The following HYOU1 variants were observed in gnomAD, a reference collection of about 807,000 sequenced individuals.
The protein encoded by HYOU1 is hypoxia up-regulated 1, also known as hypoxia up-regulated protein 1.
In HYOU1, 40 loss-of-function variants were observed where a neutral mutation model predicts 120.5. The ratio of observed to expected loss-of-function variants is 0.33; its 90% CI spans 0.26 to 0.43. The LOEUF is 0.43. Among genes scored for constraint, HYOU1 ranks in the 20% least tolerant of loss-of-function variants. The probability of loss-of-function intolerance (pLI) is 1.00; values close to 1 mark genes in which losing one functional copy is unlikely to be tolerated. For missense variants in HYOU1, 1,085 were observed against 1,278.3 expected, an observed-to-expected ratio of 0.85 and a Z score of 2.31; for synonymous variants, 501 against 479.4, an observed-to-expected ratio of 1.05 and a Z score of -0.59.
chr11:119,048,921 C>T lies in HYOU1; in HGVS notation c.1993-35G>A. On this transcript the variant is annotated intron_variant, in intron 17 of 25. Coordinates refer to ENST00000617285, the MANE Select transcript of HYOU1 (RefSeq NM_006389.5). This position sits in a 1 kb window ranked among gnomAD's most constrained non-coding sequence, Gnocchi z 4.7. ...AAGAGTCAGGGGTGTCAGGAAAAGC[C>T]TCTGCCCTCCTACATTCTCCACAAG... is the stretch of plus-strand genomic sequence containing the variant. 1 of 1,605,422 alleles carries T rather than the reference C, an allele frequency of 6.2e-7. No homozygotes were observed. The highest frequency in any genetic ancestry group is 8.5e-7 in the Non-Finnish European group (1 of 1,176,164).
At chr11:119,054,832 T>A in intron 6 of HYOU1, 152 bp downstream of exon 6, 1 of 1,016,662 alleles carries the variant, frequency 9.8e-7, no homozygotes, top group Non-Finnish European at 1.4e-6. Flanking sequence ...CTCTACCCAC[T>A]AGATAGCAGG....
intron 14 of HYOU1, 152 bp from the exon 15 acceptor site, chr11:119,049,989 C>G: frequency 1.4e-6 from 1 of 722,318 alleles, no homozygotes; most frequent in South Asian, 1.6e-5. Context: ...GGTGGCTGCC[C>G]ATCTCCTTTG....
Position 119,048,452 on chromosome 11 carries a change from G to C in HYOU1, c.2253+24C>G, listed in dbSNP as rs2133564423. 4 of 1,613,434 alleles carry C rather than the reference G, an allele frequency of 2.5e-6. No homozygotes were observed. The highest frequency in any genetic ancestry group is 2.2e-5 in the South Asian group (2 of 91,068). ...GAGCCAGGTGTAAGCCCAGTGGGGG[G>C]GCTGCTGCCTCCTGCCCACTGACCT... On this transcript the variant is annotated intron_variant, in intron 19 of 25. Coordinates refer to ENST00000617285, the MANE Select transcript of HYOU1 (RefSeq NM_006389.5). This position sits in a 1 kb window ranked among gnomAD's most constrained non-coding sequence, Gnocchi z 4.7.
intron 22 of HYOU1, chr11:119,047,527 C>CT: frequency 1.8e-6 from 1 of 547,288 alleles, no homozygotes; most frequent in Non-Finnish European, 3.3e-6. Flanking sequence ...ATGGGATGGG[C>CT]TTTTTTGCTC....
At position 119,051,905 on chromosome 11, in the gene HYOU1, C is replaced by T; in HGVS notation, c.1252G>A (p.Gly418Arg). The T allele has an allele frequency of 1.2e-6, 2 of 1,614,190 alleles. No individual in the cohort carries two copies. Among genetic ancestry groups the T allele is most frequent in the Non-Finnish European group, 1.7e-6 (2 of 1,180,030 alleles). Residue 418 changes from glycine (G) to arginine (R), a missense_variant, in exon 12 of 26, where the codon GGG (glycine) becomes AGG (arginine). Gly to Arg is a moderately radical substitution (Grantham distance 125, BLOSUM62 -2). Around this residue, in one of 4 missense-constraint regions of HYOU1, gnomAD observed 515 missense variants for 677.8 expected, o/e 0.76. Coordinates refer to ENST00000617285, the MANE Select transcript of HYOU1 (RefSeq NM_006389.5). The surrounding 1 kb of genome is among the most constrained non-coding windows in gnomAD (Gnocchi z 4.2). ...NINADEAAAM[G>R]AVYQAAALSK... is the part of the protein sequence containing the mutation. ...AGCGCAGCTGCCTGGTACACTGCCC[C>T]CATGGCGGCTGCTTCATCTGCATTG... is the stretch of plus-strand genomic sequence containing the variant.
Position 119,055,108 on chromosome 11 carries a change from G to C in HYOU1, c.420-48C>G. The C allele has an allele frequency of 6.2e-7, 1 of 1,613,276 alleles. No homozygotes were observed. On this transcript the variant is annotated intron_variant, in intron 5 of 25. Coordinates refer to ENST00000617285, the MANE Select transcript of HYOU1 (RefSeq NM_006389.5). The surrounding 1 kb of genome is among the most constrained non-coding windows in gnomAD (Gnocchi z 4.0). Reference sequence around the variant, plus strand: ...GAGCCAAGGAAAGCCAGGCATTAAGGCAGGACAATCAGGAACACACACCAA... The same window carrying C: ...GAGCCAAGGAAAGCCAGGCATTAAGCCAGGACAATCAGGAACACACACCAA...
chr11:119,044,211 AAC>A lies in HYOU1; in HGVS notation c.*1380_*1381del, dbSNP rs200310947. 1,896 of 152,174 alleles carry A rather than the reference AAC, an allele frequency of 0.012. 23 individuals are homozygous for A. Among genetic ancestry groups the A allele is most frequent in the Non-Finnish European group, 0.021 (1,421 of 67,906 alleles). 9.4% of individuals were successfully genotyped at this position (152,174 alleles called of 1,614,324 possible). On this transcript the variant is annotated 3_prime_UTR_variant, in exon 26 of 26. Transcript: ENST00000617285. Reference sequence around the variant, plus strand: ...ACTGTAGAAAAGAATATTTTATTGAAACAGTTTCTCAATTAACAATGGAGCAA... The same window carrying A: ...ACTGTAGAAAAGAATATTTTATTGAAAGTTTCTCAATTAACAATGGAGCAA...
intron 1 of HYOU1, chr11:119,056,788 G>A (rs1592162143): frequency 9.3e-6 from 2 of 213,952 alleles, no homozygotes; most frequent in South Asian, 1.3e-4. Flanking sequence ...GTTACCCGGT[G>A]TTCACCTAAA....
chr11:119,056,027 C>T, intron 2 of HYOU1, 43 bp downstream of exon 2: 4 of 1,542,440 alleles, frequency 2.6e-6, no homozygotes, highest in Middle Eastern at 1.7e-4. Context: ...ATGCATCCTT[C>T]AGTCATCATT....
In HYOU1 at chr11:119,052,560, G is replaced by C. The variant is rs1447238224; in HGVS notation, c.987+77C>G. On this transcript the variant is annotated intron_variant, in intron 9 of 25. Coordinates refer to ENST00000617285, the MANE Select transcript of HYOU1 (RefSeq NM_006389.5). The surrounding 1 kb of genome is among the most constrained non-coding windows in gnomAD (Gnocchi z 5.0). ...GGAGCATGGGCCATGCCAGGCACGA[G>C]CAGCCCAGTTCAGTGGCAGGGTCCC... The C allele has an allele frequency of 1.3e-6, 2 of 1,570,340 alleles. No homozygotes were observed. Among genetic ancestry groups the C allele is most frequent in the Non-Finnish European group, 1.7e-6 (2 of 1,152,790 alleles).
chr11:119,054,277 A>C, intron 7 of HYOU1, 41 bp from the exon 8 acceptor site: 1 of 1,517,484 alleles, frequency 6.6e-7, no homozygotes, highest in Non-Finnish European at 9.1e-7. Flanking sequence ...AACCTTCTCA[A>C]ACTCCAGGGG....
rs2133603511 is a variant in HYOU1 at position 119,054,208 on chromosome 11, C to T, written c.707G>A (p.Gly236Asp). 1.9e-6 allele frequency: 3 copies of T among 1,613,980 alleles called. No individual in the cohort carries two copies. Among genetic ancestry groups the T allele is most frequent in the Non-Finnish European group, 2.5e-6 (3 of 1,179,826 alleles). Residue 236 changes from glycine (G) to aspartate (D), a missense_variant, in exon 8 of 26, where the codon GGC becomes GAC. By Grantham distance (94) the Gly-to-Asp change is moderately conservative (BLOSUM62 -1). Coordinates refer to ENST00000617285, the MANE Select transcript of HYOU1 (RefSeq NM_006389.5). Reference protein sequence around the residue: ...QNIMFYDMGSGSTVCTIVTYQ... With the variant: ...QNIMFYDMGSDSTVCTIVTYQ... Reference sequence around the variant, plus strand: ...GGTCACAATGGTGCATACGGTGCTGCCTGAGCCCATGTCATAGAACATGAT... The same window carrying T: ...GGTCACAATGGTGCATACGGTGCTGTCTGAGCCCATGTCATAGAACATGAT...
chr11:119,052,370 C>G lies in HYOU1; in HGVS notation c.1047G>C (p.Glu349Asp). Residue 349 changes from glutamate (E) to aspartate (D), a missense_variant, in exon 10 of 26, where the codon GAG becomes GAC. Around this residue, in one of 4 missense-constraint regions of HYOU1, gnomAD observed 515 missense variants for 677.8 expected, o/e 0.76. Transcript: ENST00000617285. The surrounding 1 kb of genome is among the most constrained non-coding windows in gnomAD (Gnocchi z 5.0). ...FKAKVTRVEF[E>D]ELCADLFERV... ...GCTCAAACAAGTCTGCACACAACTC[C>G]TCAAATTCCACACGAGTCACTTTTG... 6.2e-7 allele frequency: 1 copy of G among 1,614,264 alleles called. No individual in the cohort carries two copies. Among genetic ancestry groups the G allele is most frequent in the Non-Finnish European group, 8.5e-7 (1 of 1,180,040 alleles).
chr11:119,055,958 G>C lies in HYOU1; in HGVS notation c.91+112C>G. The C allele has an allele frequency of 7.4e-7, 1 of 1,354,670 alleles. No homozygotes were observed. The highest frequency in any genetic ancestry group is 1.1e-6 in the Non-Finnish European group (1 of 945,814). The allele number at this position is 1,354,670 out of a possible 1,614,324, so 83.9% of individuals were successfully genotyped here. A position where few individuals can be genotyped will look rare whatever the true frequency, so the allele number is the denominator to read the frequency against. On this transcript the variant is annotated intron_variant, in intron 2 of 25. Coordinates refer to ENST00000617285, the MANE Select transcript of HYOU1 (RefSeq NM_006389.5). The surrounding 1 kb of genome is among the most constrained non-coding windows in gnomAD (Gnocchi z 4.0). ...AAACGAAGATGGCAAAAGACAAAAAGGCCTGGACCTAACAACTCAAGAGAC... is the reference window on the plus strand; with the variant it reads ...AAACGAAGATGGCAAAAGACAAAAACGCCTGGACCTAACAACTCAAGAGAC...
At position 119,054,550 on chromosome 11, in the gene HYOU1, C is replaced by T. The variant is rs2133605800; in HGVS notation, c.622G>A (p.Ala208Thr). Residue 208 changes from alanine (A) to threonine (T), a missense_variant, in exon 7 of 26, where the codon GCC (alanine) becomes ACC (threonine). By Grantham distance (58) the Ala-to-Thr change is moderately conservative. Coordinates refer to ENST00000617285, the MANE Select transcript of HYOU1 (RefSeq NM_006389.5). ...AAGACACCATAGCTGAGGGCAGTGG[C>T]GGTGTTGTCATTGATGAGCTGCAGC... ...KVLQLINDNT[A>T]TALSYGVFRR... 1 of 1,614,116 alleles carries T rather than the reference C, an allele frequency of 6.2e-7. No individual in the cohort carries two copies. Among genetic ancestry groups the T allele is most frequent in the Non-Finnish European group, 8.5e-7 (1 of 1,180,024 alleles).
rs2133590269 is a variant in HYOU1 at position 119,052,097 on chromosome 11, C to T, written c.1198G>A (p.Val400Met). 1.9e-5 allele frequency: 31 copies of T among 1,614,052 alleles called. No homozygotes were observed. The highest frequency in any genetic ancestry group is 6.7e-5 in the East Asian group (3 of 44,900). The stretch of plus-strand genomic sequence containing the variant: ...TCTAGCCCCCACACTCACTTGCCCA[C>T]GGCCTTCAGCAGCACCTCCTGAACT... ...PRVQEVLLKA[V>M]GKEELGKNIN... Residue 400 changes from valine to methionine, a missense_variant, in exon 11 of 26, where the codon GTG becomes ATG. Coordinates refer to ENST00000617285, the MANE Select transcript of HYOU1 (RefSeq NM_006389.5). The surrounding 1 kb of genome is among the most constrained non-coding windows in gnomAD (Gnocchi z 5.0).
At chr11:119,056,031 C>A in intron 2 of HYOU1, 39 bp downstream of exon 2, 12 of 1,557,738 alleles carry the variant, frequency 7.7e-6, no homozygotes, top group Middle Eastern at 1.7e-4. Flanking sequence ...ATCCTTCAGT[C>A]ATCATTTATC....
In HYOU1 at chr11:119,051,276, G is replaced by A; in HGVS notation, c.1527-103C>T. The A allele has an allele frequency of 1.3e-6, 2 of 1,540,102 alleles. No homozygotes were observed. The stretch of plus-strand genomic sequence containing the variant: ...ACAAGGTGTCAGGGGCACTCCCCAA[G>A]GGCACACTCAAGAGGACGGATGCAT... On this transcript the variant is annotated intron_variant, in intron 13 of 25. Transcript: ENST00000617285. The surrounding 1 kb of genome is among the most constrained non-coding windows in gnomAD (Gnocchi z 4.2).
rs782333749 is a variant in HYOU1, at chr11:119,055,863, G to C, written c.92-20C>G. ...GTGTATCTGAAGGGAAAAGAGGTTT[G>C]TCAGTTAGCTCTCCCTTCGCCCACC... On this transcript the variant is annotated intron_variant, in intron 2 of 25. Transcript: ENST00000617285. This position sits in a 1 kb window ranked among gnomAD's most constrained non-coding sequence, Gnocchi z 4.0. 1.0e-5 allele frequency: 16 copies of C among 1,599,230 alleles called. No homozygotes were observed. In the East Asian group the frequency reaches 2.7e-4, roughly 27 times the overall value.
Sources: gnomAD v4.1 joint callset for allele counts on GRCh38, gnomAD v4.1.1 for gene constraint, gnomAD v4.1.1 regional missense constraint, Gnocchi (gnomAD v3.1) non-coding constraint, MANE v1.5 for transcripts, NCBI Gene and HGNC (gene_info 2026-07-23, HGNC 2026-07-21) for gene names.